Variants in GANAB observed in about 807,000 individuals in gnomAD.
GANAB encodes glucosidase II alpha subunit, also known as neutral alpha-glucosidase AB.
GANAB carries 35 observed loss-of-function variants against 129.9 expected under a neutral mutation model. The ratio of observed to expected loss-of-function variants is 0.27; its 90% confidence interval spans 0.21 to 0.36. The LOEUF is 0.36. GANAB is among the 10% of genes least tolerant of loss of function. The pLI, the probability that GANAB is intolerant of heterozygous loss-of-function variation, is 1.00. For missense variants in GANAB, 939 were observed against 1,221.0 expected (o/e 0.77, Z 3.44); for synonymous variants, 482 against 451.8 (o/e 1.07, Z -0.85).
At chr11:62,629,057 G>T (rs1262057363) in intron 16 of GANAB, 45 bp from the exon 17 acceptor site, 4 of 1,604,312 alleles carry the variant, frequency 2.5e-6, no homozygotes, top group South Asian at 1.1e-5. Flanking sequence ...GAGGGTGAAG[G>T]AGAGATACTG....
chr11:62,639,578 A>G (rs933444646), intron 2 of GANAB, 49 bp downstream of exon 2: 14 of 1,480,606 alleles, frequency 9.5e-6, no homozygotes, highest in Non-Finnish European at 1.3e-5. Flanking sequence ...TATCTCCCAC[A>G]TTACCCTACA....
rs113593367 is a variant in GANAB, at chr11:62,640,012, G to A, written c.39-281C>T. ...GCACTTTGGGAGGCTGCGGCGGGCG[G>A]ATCACGAGGTCAGGAGATCAAGACC... On this transcript the variant is annotated intron_variant, in intron 1 of 23. Coordinates refer to ENST00000356638, the MANE Select transcript of GANAB (RefSeq NM_198334.3). 16,279 of 332,092 alleles carry A rather than the reference G, an allele frequency of 0.049. 582 individuals carry two copies. The highest frequency in any genetic ancestry group is 0.069 in the Non-Finnish European group (12,159 of 175,022). The allele number at this position is 332,092 out of a possible 1,614,324, so 20.6% of individuals were successfully genotyped here. A position where few individuals can be genotyped will look rare whatever the true frequency, so the allele number is the denominator to read the frequency against.
chr11:62,625,807 C>T lies in GANAB; in HGVS notation c.*8G>A. 1 of 1,532,988 alleles carries T rather than the reference C, an allele frequency of 6.5e-7. No homozygotes were observed. The highest frequency in any genetic ancestry group is 1.1e-5 in the South Asian group (1 of 89,528). 95.0% of individuals were successfully genotyped at this position (1,532,988 alleles called of 1,614,324 possible). On this transcript the variant is annotated 3_prime_UTR_variant, in exon 24 of 24. Coordinates refer to ENST00000356638, the MANE Select transcript of GANAB (RefSeq NM_198334.3). ...CTTCCCTCCCCCTAACCCAGAACAT[C>T]CCTTGGGTTATCGCAGGTGAATACT...
At position 62,626,453 on chromosome 11, in the gene GANAB, C is replaced by G. The variant is rs1218423441; in HGVS notation, c.2512-6G>C. The G allele has an allele frequency of 6.3e-7, 1 of 1,596,354 alleles. No individual in the cohort carries two copies. Among genetic ancestry groups the G allele is most frequent in the East Asian group, 2.2e-5 (1 of 44,816 alleles). Reference sequence around the variant, plus strand: ...AGCTCTCCTTGAGCTGTACCCTGAGCAAGAAGTGGGATAGGTGAGCGCCTG... The same window carrying G: ...AGCTCTCCTTGAGCTGTACCCTGAGGAAGAAGTGGGATAGGTGAGCGCCTG... On this transcript the variant is annotated splice_region_variant and splice_polypyrimidine_tract_variant and intron_variant, in intron 21 of 23. Coordinates refer to ENST00000356638, the MANE Select transcript of GANAB (RefSeq NM_198334.3).
At chr11:62,635,182 C>CTT (rs1251084006) in intron 4 of GANAB, among the ~76,000 whole-genome samples, 182 bp from the exon 5 acceptor site, 8 of 151,496 alleles carry the variant, frequency 5.3e-5, no homozygotes, top group African/African-American at 1.9e-4. Context: ...ATATTTATTA[C>CTT]TTTTTTCTTT....
chr11:62,629,288 C>T lies in GANAB; in HGVS notation c.1842G>A (p.Val614=), dbSNP rs376265968. The T allele has an allele frequency of 3.7e-5, 59 of 1,608,878 alleles. No individual in the cohort carries two copies. The highest frequency in any genetic ancestry group is 4.9e-5 in the Non-Finnish European group (58 of 1,175,300). The change falls in exon 16 of 24, where the codon GTG becomes GTA. Residue 614 remains valine, a synonymous_variant. Coordinates refer to ENST00000356638, the MANE Select transcript of GANAB (RefSeq NM_198334.3). ...ACTCGGCAGTGTTGTCCCCTGTCCACACGGCTCCTGAGGAAGACAAGAAGT... is the reference window on the plus strand; with the variant it reads ...ACTCGGCAGTGTTGTCCCCTGTCCATACGGCTCCTGAGGAAGACAAGAAGT... ...FFAGSQRFGA[V]WTGDNTAEWD... is the part of the protein sequence containing the mutation.
At position 62,626,877 on chromosome 11, in the gene GANAB, G is replaced by T. The variant is rs1183161347; in HGVS notation, c.2380C>A (p.Pro794Thr). The change falls in exon 20 of 24, where the codon CCT becomes ACT. Residue 794 changes from proline to threonine, a missense_variant. By Grantham distance (38) the Pro-to-Thr change is conservative. Coordinates refer to ENST00000356638, the MANE Select transcript of GANAB (RefSeq NM_198334.3). Reference protein sequence around the residue: ...KHHGPQTLYLPVTLSSIPVFQ... With the variant: ...KHHGPQTLYLTVTLSSIPVFQ... ...TTACTCACACTGCTTAGAGTTACAG[G>T]CAGGTACAGGGTCTGGGGACCATGA... 1 of 1,610,772 alleles carries T rather than the reference G, an allele frequency of 6.2e-7. No homozygotes were observed. The highest frequency in any genetic ancestry group is 1.3e-5 in the African/African-American group (1 of 74,988).
Position 62,630,645 on chromosome 11 carries a change from G to A in GANAB, c.1342C>T (p.Gln448Ter). Reference protein sequence around the residue: ...YFTWDPSRFPQPRTMLERLAS... With the variant: ...YFTWDPSRFP ...AAGCGCTCAAGCATGGTGCGGGGCT[G>A]AGGGAAGCGACTGGGGTCCCAGGTG... The change falls in exon 11 of 24, where the codon CAG becomes TAG. Residue 448 changes from glutamine (Q) to a stop codon, truncating the protein, a stop_gained. Transcript: ENST00000356638. LOFTEE classifies it high-confidence loss of function. The A allele has an allele frequency of 6.2e-7, 1 of 1,614,212 alleles. No homozygotes were observed. Among genetic ancestry groups the A allele is most frequent in the Non-Finnish European group, 8.5e-7 (1 of 1,180,028 alleles).
intron 15 of GANAB, 32 bp from the exon 16 acceptor site, chr11:62,629,327 A>G (rs748721566): frequency 7.6e-6 from 11 of 1,450,044 alleles, no homozygotes; most frequent in South Asian, 1.1e-5. Context: ...GAGCTTGCAC[A>G]TGGTAAAGGA....
At chr11:62,640,550 A>AG (rs1554974765) in intron 1 of GANAB, among the ~76,000 whole-genome samples, 1 of 136,742 alleles carries the variant, frequency 7.3e-6, no homozygotes, top group African/African-American at 2.7e-5. Context: ...AAAAAAAAAA[A>AG]GGGCCGGGTG....
rs762301448 is a variant in GANAB, at chr11:62,638,950, C to A, written c.380+33G>T. 14 of 1,607,390 alleles carry A rather than the reference C, an allele frequency of 8.7e-6. No homozygotes were observed. The South Asian group carries it at 1.5e-4, about 18-fold the overall frequency. On this transcript the variant is annotated intron_variant, in intron 4 of 23. Transcript: ENST00000356638. ...GGTTCATCAGGAAGGAGAAAGGGGCCACAGAAATGGATGTTTCTCAGGAAA... is the reference window on the plus strand; with the variant it reads ...GGTTCATCAGGAAGGAGAAAGGGGCAACAGAAATGGATGTTTCTCAGGAAA...
At chr11:62,630,932 TA>T in intron 10 of GANAB, 96 bp from the exon 11 acceptor site, 1 of 1,498,982 alleles carries the variant, frequency 6.7e-7, no homozygotes. Context: ...CTGAGGGGTA[TA>T]AACCTAGAAA....
Position 62,626,919 on chromosome 11 carries a change from G to C in GANAB, c.2338C>G (p.Gln780Glu), listed in dbSNP as rs1943410412. Residue 780 changes from glutamine to glutamate, a missense_variant, in exon 20 of 24, where the codon CAA (glutamine) becomes GAA (glutamate). Physicochemically the swap from Gln to Glu is conservative, Grantham distance 29. Transcript: ENST00000356638. ...GGACCATGATGCTTCTGGTAGCTTT[G>C]AATGTCATACCACACCTGTGAGTGA... ...PGQGEVWYDI[Q>E]SYQKHHGPQT... 2 of 1,611,744 alleles carry C rather than the reference G, an allele frequency of 1.2e-6. No individual in the cohort carries two copies. The highest frequency in any genetic ancestry group is 1.7e-6 in the Non-Finnish European group (2 of 1,177,822).
intron 8 of GANAB, 22 bp from the exon 9 acceptor site, chr11:62,632,767 T>C: frequency 6.2e-7 from 1 of 1,603,726 alleles, no homozygotes; most frequent in Non-Finnish European, 8.5e-7. Flanking sequence ...CAGACAGACT[T>C]GGGCTGCTAA....
rs1382045631 is a variant in GANAB at position 62,625,247 on chromosome 11, G to A, written c.*568C>T. On this transcript the variant is annotated 3_prime_UTR_variant, in exon 24 of 24. Coordinates refer to ENST00000356638, the MANE Select transcript of GANAB (RefSeq NM_198334.3). ...GAAAAGGGTAGAATGAGAGGGAAAAGGATGTTCTTTAGCAACCTCACTCCT... is the reference window on the plus strand; with the variant it reads ...GAAAAGGGTAGAATGAGAGGGAAAAAGATGTTCTTTAGCAACCTCACTCCT... 1 of 455,360 alleles carries A rather than the reference G, an allele frequency of 2.2e-6. No individual in the cohort carries two copies. The highest frequency in any genetic ancestry group is 2.0e-5 in the African/African-American group (1 of 50,014). 28.2% of individuals were successfully genotyped at this position (455,360 alleles called of 1,614,324 possible). A position where few individuals can be genotyped will look rare whatever the true frequency, so the allele number is the denominator to read the frequency against.
At chr11:62,646,223 C>A (rs1326276358) in intron 1 of GANAB, among the ~76,000 whole-genome samples, 1 of 152,218 alleles carries the variant, frequency 6.6e-6, no homozygotes, top group Non-Finnish European at 1.5e-5. Flanking sequence ...TCCCCCGCCC[C>A]GACGACCCCG....
rs867623484 is a variant in GANAB, at chr11:62,634,533, G to A, written c.560+288C>T. On this transcript the variant is annotated intron_variant, in intron 5 of 23. Coordinates refer to ENST00000356638, the MANE Select transcript of GANAB (RefSeq NM_198334.3). ...AAATAAAAACGAAGAAAATAAATCT[G>A]GGAAATGTGATGATGTGAGAAGGGG... is the stretch of plus-strand genomic sequence containing the variant. 1.4e-4 allele frequency: 89 copies of A among 636,388 alleles called. 1 individual carries two copies. In the Middle Eastern group the frequency reaches 2.0e-3, roughly 14 times the overall value. 39.4% of individuals were successfully genotyped at this position (636,388 alleles called of 1,614,324 possible).
In GANAB at chr11:62,625,676, TG is replaced by T; in HGVS notation, c.*138del. On this transcript the variant is annotated 3_prime_UTR_variant, in exon 24 of 24. Coordinates refer to ENST00000356638, the MANE Select transcript of GANAB (RefSeq NM_198334.3). ...GAGCCCAGGGTCAGCCCTCTCATCCTGCCCAAATGTTGGCAGAATCTGGGTC... is the reference window on the plus strand; with the variant it reads ...GAGCCCAGGGTCAGCCCTCTCATCCTCCCAAATGTTGGCAGAATCTGGGTC... 1 of 656,804 alleles carries T rather than the reference TG, an allele frequency of 1.5e-6. No homozygotes were observed. The highest frequency in any genetic ancestry group is 2.7e-5 in the East Asian group (1 of 36,698). 40.7% of individuals were successfully genotyped at this position (656,804 alleles called of 1,614,324 possible). A position where few individuals can be genotyped will look rare whatever the true frequency, so the allele number is the denominator to read the frequency against.
chr11:62,628,335 G>C (rs1271571047), intron 17 of GANAB, among the ~76,000 whole-genome samples: 1 of 147,756 alleles, frequency 6.8e-6, no homozygotes, highest in Non-Finnish European at 1.5e-5. Flanking sequence ...TCATGCCTCA[G>C]CCTCCCGAGT....
Sources: gnomAD v4.1 joint callset for allele counts (sites outside exome capture counted in the v4.1 genomes callset) on GRCh38, gnomAD v4.1.1 for gene constraint, MANE v1.5 for transcripts, NCBI Gene and HGNC (gene_info 2026-07-23, HGNC 2026-07-21) for gene names.